GALM: variants seen among roughly 807,000 people sequenced by gnomAD.
GALM encodes galactose mutarotase, also known as aldose 1-epimerase.
A neutral mutation model predicts 37.4 loss-of-function variants in GALM; 43 were observed. The ratio of observed to expected loss-of-function variants is 1.15; its 90% CI spans 0.90 to 1.48. GALM has a LOEUF of 1.48. Among genes scored for constraint, GALM ranks in the 40% most tolerant of loss-of-function variants. The pLI is 0.00. For synonymous variants in GALM, 199 were observed against 170.6 expected, an observed-to-expected ratio of 1.17 and a Z score of -1.30; for missense variants, 456 against 419.1, an observed-to-expected ratio of 1.09 and a Z score of -0.77.
At chr2:38,705,539 T>C (rs1272501345) in intron 4 of GALM, among the ~76,000 whole-genome samples, 1 of 152,160 alleles carries the variant, frequency 6.6e-6, no homozygotes, top group Non-Finnish European at 1.5e-5. Flanking sequence ...TGTCCTGAGC[T>C]GTGAGAAGCC....
intron 4 of GALM, among the ~76,000 whole-genome samples, chr2:38,696,553 T>C (rs927781370): frequency 6.6e-6 from 1 of 151,560 alleles, no homozygotes; most frequent in African/African-American, 2.4e-5. Flanking sequence ...TGGCTCCGCC[T>C]TCCAAATAGC....
chr2:38,666,832 T>C (rs553960672), intron 1 of GALM, among the ~76,000 whole-genome samples: 106 of 152,294 alleles, frequency 7.0e-4, no homozygotes, highest in Non-Finnish European at 2.9e-4. Flanking sequence ...AATGCTCCAC[T>C]AAGCTCAGTG....
At chr2:38,683,054 T>A (rs1025593056) in intron 3 of GALM, among the ~76,000 whole-genome samples, 9 of 152,086 alleles carry the variant, frequency 5.9e-5, no homozygotes, top group African/African-American at 1.9e-4. Flanking sequence ...CGGTGATAAT[T>A]CTGTTTTTTA....
chr2:38,696,950 C>A (rs544325197), intron 4 of GALM, among the ~76,000 whole-genome samples: 1 of 151,698 alleles, frequency 6.6e-6, no homozygotes, highest in Admixed American at 6.6e-5. Flanking sequence ...CCACCACGCC[C>A]GGCTAATTTT....
chr2:38,729,596 A>G lies in GALM; in HGVS notation c.675A>G (p.Arg225=), dbSNP rs140688063. 4 of 1,613,670 alleles carry G rather than the reference A, an allele frequency of 2.5e-6. No individual in the cohort carries two copies. The highest frequency in any genetic ancestry group is 1.7e-5 in the Admixed American group (1 of 59,988). The change falls in exon 5 of 7, where the codon AGA becomes AGG. Residue 225 remains arginine, a synonymous_variant. Transcript: ENST00000272252. ...TGCAAGGCACTGCATTCGACCTGAG[A>G]AAGCCAGTGGAGCTTGGAAAACACC... ...APVQGTAFDL[R]KPVELGKHLQ...
intron 2 of GALM, chr2:38,680,160 A>C: frequency 2.5e-6 from 1 of 403,944 alleles, no homozygotes; most frequent in Non-Finnish European, 4.8e-6. Flanking sequence ...CTAGGACTAC[A>C]GGTATGCACC....
intron 4 of GALM, among the ~76,000 whole-genome samples, chr2:38,694,198 T>C (rs1259778911): frequency 2.6e-5 from 4 of 151,546 alleles, no homozygotes; most frequent in Non-Finnish European, 5.9e-5. Flanking sequence ...AAGAAGAAGA[T>C]TTGGGAGGTA....
chr2:38,689,935 A>G (rs1665632631), intron 4 of GALM, 41 bp downstream of exon 4: 2 of 1,222,250 alleles, frequency 1.6e-6, no homozygotes, highest in Admixed American at 2.0e-5. Flanking sequence ...GGGATCATGG[A>G]TTGGCTCTCG....
intron 6 of GALM, among the ~76,000 whole-genome samples, chr2:38,732,807 C>G (rs980317053): frequency 6.6e-6 from 1 of 151,644 alleles, no homozygotes; most frequent in Non-Finnish European, 1.5e-5. Context: ...GTGGCCCCAG[C>G]TACTTGGGAG....
At chr2:38,672,992 A>G (rs1383457618) in intron 1 of GALM, among the ~76,000 whole-genome samples, 1 of 152,232 alleles carries the variant, frequency 6.6e-6, no homozygotes, top group Non-Finnish European at 1.5e-5. Context: ...CCAGGCTATA[A>G]GAGCAAAACT....
At chr2:38,724,261 A>G (rs1335683690) in intron 4 of GALM, among the ~76,000 whole-genome samples, 2 of 152,204 alleles carry the variant, frequency 1.3e-5, no homozygotes, top group South Asian at 2.1e-4. Flanking sequence ...ATTCATCTCT[A>G]TATTTTATTT....
chr2:38,726,384 G>A (rs796158271), intron 4 of GALM, among the ~76,000 whole-genome samples: 8 of 151,090 alleles, frequency 5.3e-5, no homozygotes, highest in Middle Eastern at 3.4e-3. Context: ...CCGCCACTAC[G>A]CCCGGCTAAT....
chr2:38,727,967 G>A (rs868649914), intron 4 of GALM, among the ~76,000 whole-genome samples: 2 of 152,096 alleles, frequency 1.3e-5, no homozygotes, highest in African/African-American at 4.8e-5. Flanking sequence ...CCTGATTACA[G>A]TGGAAGCCAA....
intron 4 of GALM, among the ~76,000 whole-genome samples, chr2:38,727,838 A>T (rs1000422162): frequency 6.6e-6 from 1 of 152,214 alleles, no homozygotes; most frequent in Non-Finnish European, 1.5e-5. Context: ...CAAATGTTTT[A>T]AATGACTGGC....
At chr2:38,705,635 T>G (rs4670265) in intron 4 of GALM, among the ~76,000 whole-genome samples, 86,551 of 151,948 alleles carry the variant, frequency 0.57, 24,983 homozygotes, top group East Asian at 0.7. Context: ...GTTAAGCCAA[T>G]AAGCCAAAGA....
intron 4 of GALM, among the ~76,000 whole-genome samples, chr2:38,698,101 G>A (rs572221193): frequency 5.3e-5 from 8 of 151,980 alleles, no homozygotes; most frequent in African/African-American, 1.7e-4. Flanking sequence ...GCACCACCAC[G>A]GCCAGCTAAT....
Position 38,668,251 on chromosome 2 carries a change from T to G in GALM, c.190+1900T>G, listed in dbSNP as rs369629309. On this transcript the variant is annotated intron_variant, in intron 1 of 6. Coordinates refer to ENST00000272252, the MANE Select transcript of GALM (RefSeq NM_138801.3). ...CCCAGGCTAGAGTGGAGTAGTGCAATTATAGCTGACTTGCAGCCTCGAACT... is the reference window on the plus strand; with the variant it reads ...CCCAGGCTAGAGTGGAGTAGTGCAAGTATAGCTGACTTGCAGCCTCGAACT... 4.6e-5 allele frequency: 7 copies of G among 152,384 alleles called. No homozygotes were observed. The East Asian group carries it at 9.6e-4, about 21-fold the overall frequency. The allele number at this position is 152,384 out of a possible 1,614,324, so 9.4% of individuals were successfully genotyped here. A position where few individuals can be genotyped will look rare whatever the true frequency, so the allele number is the denominator to read the frequency against.
intron 4 of GALM, among the ~76,000 whole-genome samples, chr2:38,693,446 T>G (rs1201330383): frequency 1.3e-5 from 2 of 149,828 alleles, no homozygotes; most frequent in Middle Eastern, 3.2e-3. Flanking sequence ...TCACGCCACT[T>G]TACTCCAGCC....
chr2:38,672,627 G>C (rs1665138699), intron 1 of GALM, among the ~76,000 whole-genome samples: 1 of 152,134 alleles, frequency 6.6e-6, no homozygotes, highest in Non-Finnish European at 1.5e-5. Context: ...GTGTGTTTTG[G>C]GGCAAGTTAT....
Sources: gnomAD v4.1 joint callset for allele counts (sites outside exome capture counted in the v4.1 genomes callset) on GRCh38, gnomAD v4.1.1 for gene constraint, MANE v1.5 for transcripts, NCBI Gene and HGNC (gene_info 2026-07-23, HGNC 2026-07-21) for gene names.